TJP1: variants seen among roughly 807,000 people sequenced by gnomAD.
TJP1 encodes the protein tight junction protein 1.
Under a neutral mutation model 194.2 loss-of-function variants are expected in TJP1, and 43 were observed. The observed-to-expected ratio is 0.22, with a 90% CI of 0.17 to 0.29. The LOEUF is 0.29. Among genes scored for constraint, TJP1 ranks in the 10% least tolerant of loss-of-function variants. The pLI is 1.00. For missense variants in TJP1, 1,971 were observed against 2,185.7 expected, an observed-to-expected ratio of 0.90 and a Z score of 1.96; for synonymous variants, 801 against 779.0, an observed-to-expected ratio of 1.03 and a Z score of -0.47.
intron 2 of TJP1, among the ~76,000 whole-genome samples, chr15:29,791,228 T>C (rs2048061289): frequency 6.6e-6 from 1 of 151,666 alleles, no homozygotes; most frequent in Non-Finnish European, 1.5e-5. Flanking sequence ...GATTTCTCCA[T>C]TTTGGTCAGG....
intron 2 of TJP1, among the ~76,000 whole-genome samples, chr15:29,939,384 A>G (rs973944914): frequency 9.2e-5 from 14 of 151,976 alleles, no homozygotes; most frequent in Admixed American, 9.2e-4. Flanking sequence ...GCAGTCTGTG[A>G]CCCTCCATTT....
At chr15:29,756,870 T>C (rs2045674918) in intron 8 of TJP1, among the ~76,000 whole-genome samples, 2 of 152,176 alleles carry the variant, frequency 1.3e-5, no homozygotes, top group Admixed American at 1.3e-4. Context: ...TTTAGTTTGC[T>C]TAACTATATA....
intron 1 of TJP1, among the ~76,000 whole-genome samples, chr15:29,810,871 G>C (rs184622222): frequency 3.3e-5 from 5 of 152,264 alleles, no homozygotes; most frequent in Admixed American, 2.0e-4. Context: ...ATAATGTTTT[G>C]AGAGTTTCCT....
At chr15:29,773,499 C>T (rs182054291) in intron 2 of TJP1, 142 bp from the exon 3 acceptor site, 3 of 745,706 alleles carry the variant, frequency 4.0e-6, no homozygotes, top group Admixed American at 5.6e-5. Flanking sequence ...TGCATGGTTA[C>T]CTATTAGAAT....
At chr15:29,915,552 T>C (rs2054157572) in intron 2 of TJP1, among the ~76,000 whole-genome samples, 1 of 152,226 alleles carries the variant, frequency 6.6e-6, no homozygotes, top group African/African-American at 2.4e-5. Flanking sequence ...TAGATTTAGC[T>C]TTACTTGTTA....
chr15:29,803,223 T>C (rs1165925913), intron 1 of TJP1, among the ~76,000 whole-genome samples: 1 of 152,186 alleles, frequency 6.6e-6, no homozygotes, highest in East Asian at 1.9e-4. Flanking sequence ...TTTTAAACTA[T>C]ATTCACAAAA....
At chr15:29,877,799 C>T (rs1389683828) in intron 2 of TJP1, among the ~76,000 whole-genome samples, 1 of 151,472 alleles carries the variant, frequency 6.6e-6, no homozygotes, top group African/African-American at 2.4e-5. Flanking sequence ...GCTGGGATTA[C>T]TGGGATTACA....
At chr15:29,839,552 G>A (rs1860492167) in intron 2 of TJP1, among the ~76,000 whole-genome samples, 1 of 152,110 alleles carries the variant, frequency 6.6e-6, no homozygotes, top group Non-Finnish European at 1.5e-5. Context: ...GGCTGAGGTG[G>A]GAGGATTGAG....
rs533296879 is a variant in TJP1, at chr15:29,809,040, G to A, written c.28-8338C>T. ...TGTGGGTAGTCCAAACTGAGATATG[G>A]TATATGTAAAATATATATATGATAC... On this transcript the variant is annotated intron_variant, in intron 1 of 27. Transcript: ENST00000614355. Among the ~76,000 whole-genome samples, 5 of 152,176 alleles carry A rather than the reference G, an allele frequency of 3.3e-5. No homozygotes were observed. The South Asian group carries it at 6.2e-4, about 19-fold the overall frequency.
At chr15:29,717,334 T>C (rs889778528) in intron 22 of TJP1, among the ~76,000 whole-genome samples, 1 of 152,256 alleles carries the variant, frequency 6.6e-6, no homozygotes, top group African/African-American at 2.4e-5. Flanking sequence ...AAGCAAGTCA[T>C]TAAGTAAATT....
chr15:29,957,801 G>A (rs910338417), intron 1 of TJP1, among the ~76,000 whole-genome samples: 2 of 152,182 alleles, frequency 1.3e-5, no homozygotes, highest in Non-Finnish European at 2.9e-5. Flanking sequence ...TCAGAGATGG[G>A]AGTTTCCTAC....
chr15:29,727,468 A>G (rs944004922), intron 16 of TJP1, among the ~76,000 whole-genome samples: 8 of 152,252 alleles, frequency 5.3e-5, no homozygotes, highest in Admixed American at 3.9e-4. Context: ...TCAGGAGCAC[A>G]TATTAAAAAA....
rs1395345720 is a variant in TJP1, at chr15:29,719,952, G to C, written c.2828C>G (p.Ser943Cys). 4.3e-6 allele frequency: 7 copies of C among 1,614,206 alleles called. No individual in the cohort carries two copies. The highest frequency in any genetic ancestry group is 1.1e-5 in the South Asian group (1 of 91,076). Residue 943 changes from serine (S) to cysteine (C), a missense_variant, in exon 20 of 28, where the codon TCT becomes TGT. Ser to Cys is a moderately radical substitution (Grantham distance 112). This residue lies in a region of TJP1 where 1,108 missense variants were observed against 1,128.5 expected (regional missense o/e 0.98). Transcript: ENST00000614355. Reference sequence around the variant, plus strand: ...TAAATTTACATTATGATTAACAGCAGAGGTTGATGATGCTGGGTTTGTTTC... The same window carrying C: ...TAAATTTACATTATGATTAACAGCACAGGTTGATGATGCTGGGTTTGTTTC... ...SPETNPASST[S>C]AVNHNVNLTN...
At chr15:29,845,907 G>A (rs758839068) in intron 2 of TJP1, among the ~76,000 whole-genome samples, 2 of 152,080 alleles carry the variant, frequency 1.3e-5, no homozygotes, top group Admixed American at 6.5e-5. Flanking sequence ...AGTGGCCAGG[G>A]GGAGGTCAAC....
chr15:29,901,148 T>C lies in TJP1; in HGVS notation c.306+55084A>G, dbSNP rs145146994. Among the ~76,000 whole-genome samples, 127 of 152,248 alleles carry C rather than the reference T, an allele frequency of 8.3e-4. 1 individual carries two copies. The highest frequency in any genetic ancestry group is 3.6e-3 in the Admixed American group (55 of 15,294). On this transcript the variant is annotated intron_variant, in intron 2 of 28. Transcript: ENST00000356107. ...GGGAAAAAGGTGATAGAGAAGGGCA[T>C]TGACGGAACGCTTACCCGCTACTGA...
chr15:29,862,519 C>G (rs1182204257), intron 2 of TJP1, among the ~76,000 whole-genome samples: 1 of 151,948 alleles, frequency 6.6e-6, no homozygotes, highest in Non-Finnish European at 1.5e-5. Context: ...GGGAAGTGTA[C>G]ATGTGGCAAG....
chr15:29,732,423 G>A lies in TJP1; in HGVS notation c.2017+10C>T, dbSNP rs1194097569. 12 of 1,611,670 alleles carry A rather than the reference G, an allele frequency of 7.4e-6. No homozygotes were observed. The highest frequency in any genetic ancestry group is 1.0e-5 in the Non-Finnish European group (12 of 1,179,212). ...CCAACCTCATTTAAGTTAGCCTTGAGGCTACTTACTTGCAATTTGATAAAT... is the reference window on the plus strand; with the variant it reads ...CCAACCTCATTTAAGTTAGCCTTGAAGCTACTTACTTGCAATTTGATAAAT... On this transcript the variant is annotated intron_variant, in intron 15 of 27. Transcript: ENST00000614355.
At chr15:29,874,210 G>A (rs1292124496) in intron 2 of TJP1, among the ~76,000 whole-genome samples, 7 of 152,160 alleles carry the variant, frequency 4.6e-5, no homozygotes, top group Non-Finnish European at 7.3e-5. Context: ...GCAAGATAGG[G>A]CCTGCGTCAT....
At position 29,714,666 on chromosome 15, in the gene TJP1, G is replaced by A. The variant is rs774643880; in HGVS notation, c.4202+1945C>T. The stretch of plus-strand genomic sequence containing the variant: ...CGCCATTCTCCTGCCTCAGTCTCCC[G>A]AGTAGCTGGGACTATAGGAGCCCGC... On this transcript the variant is annotated intron_variant, in intron 23 of 27. Transcript: ENST00000614355. Among the ~76,000 whole-genome samples, 5 of 146,778 alleles carry A rather than the reference G, an allele frequency of 3.4e-5. No individual in the cohort carries two copies. The Admixed American group carries it at 3.5e-4, about 10-fold the overall frequency.
Sources: gnomAD v4.1 joint callset for allele counts (sites outside exome capture counted in the v4.1 genomes callset) on GRCh38, gnomAD v4.1.1 for gene constraint, gnomAD v4.1.1 regional missense constraint, MANE v1.5 for transcripts, NCBI Gene and HGNC (gene_info 2026-07-23, HGNC 2026-07-21) for gene names.